The following DIS3L2 variants were observed in gnomAD, a reference collection of about 807,000 sequenced individuals.
DIS3L2 encodes DIS3 like 3'-5' exoribonuclease 2, also known as DIS3-like exonuclease 2.
Under a neutral mutation model 97.5 loss-of-function variants are expected in DIS3L2, and 34 were observed. The ratio of observed to expected loss-of-function variants is 0.35; its 90% CI spans 0.27 to 0.46. The LOEUF is 0.46. DIS3L2 is among the 20% of genes least tolerant of loss of function. The probability of loss-of-function intolerance (pLI) is 1.00; values close to 1 mark genes in which losing one functional copy is unlikely to be tolerated. For missense variants in DIS3L2, 1,038 were observed against 1,146.0 expected (o/e 0.91, Z 1.36); for synonymous variants, 435 against 445.2 (o/e 0.98, Z 0.29).
chr2:232,169,094 G>C (rs747704494), intron 9 of DIS3L2, among the ~76,000 whole-genome samples: 1 of 152,166 alleles, frequency 6.6e-6, no homozygotes, highest in Non-Finnish European at 1.5e-5. Context: ...GGTGCTTGGT[G>C]CAAGTGTTTG....
chr2:232,090,902 A>C (rs1030824968), intron 6 of DIS3L2, among the ~76,000 whole-genome samples: 1 of 152,248 alleles, frequency 6.6e-6, no homozygotes, highest in Non-Finnish European at 1.5e-5. Flanking sequence ...AAGAGAGCAC[A>C]TTGCTCCCGT....
At chr2:232,228,053 C>T (rs948091302) in intron 10 of DIS3L2, among the ~76,000 whole-genome samples, 2 of 152,072 alleles carry the variant, frequency 1.3e-5, no homozygotes, top group East Asian at 1.9e-4. Context: ...CGGCAACCTC[C>T]GCCTCCCGGT....
At chr2:231,965,046 T>G (rs939522092) in intron 1 of DIS3L2, among the ~76,000 whole-genome samples, 2 of 152,254 alleles carry the variant, frequency 1.3e-5, no homozygotes, top group African/African-American at 4.8e-5. Flanking sequence ...ATTTGTGACC[T>G]ATTTCTTTCA....
At chr2:231,986,888 TAAAC>T (rs911388788) in intron 1 of DIS3L2, among the ~76,000 whole-genome samples, 4 of 152,232 alleles carry the variant, frequency 2.6e-5, no homozygotes, top group Admixed American at 6.5e-5. Context: ...TTGGCTGACA[TAAAC>T]AAGTATTTAA....
At chr2:232,338,698 G>A (rs1425455802), downstream of DIS3L2, among the ~76,000 whole-genome samples, 7 of 117,606 alleles carry the variant, frequency 6.0e-5, no homozygotes, top group Non-Finnish European at 5.0e-5. Flanking sequence ...CGAGCCCCGC[G>A]TCTGCATTCA....
At chr2:232,280,309 A>G (rs2106300267) in intron 13 of DIS3L2, among the ~76,000 whole-genome samples, 1 of 152,342 alleles carries the variant, frequency 6.6e-6, no homozygotes, top group South Asian at 2.1e-4. Context: ...GCTTTTAAAC[A>G]GATACCAGGC....
At chr2:232,214,808 C>T (rs1692287911) in intron 10 of DIS3L2, among the ~76,000 whole-genome samples, 1 of 152,180 alleles carries the variant, frequency 6.6e-6, no homozygotes. Context: ...CAAGCTAGGA[C>T]CTTTATTCGC....
chr2:232,078,007 TTCTTTCTTTCTTTTTC>T (rs1696263605), intron 5 of DIS3L2, among the ~76,000 whole-genome samples: 1 of 136,022 alleles, frequency 7.4e-6, no homozygotes, highest in Non-Finnish European at 1.6e-5. Flanking sequence ...CTTTCTTTCT[TTCTTTCTTTCTTTTTC>T]TCTTTCTCTT....
At chr2:232,139,136 T>G (rs894280509) in intron 8 of DIS3L2, among the ~76,000 whole-genome samples, 1 of 152,192 alleles carries the variant, frequency 6.6e-6, no homozygotes, top group Non-Finnish European at 1.5e-5. Flanking sequence ...GAGATTAATA[T>G]AAGAAGCTGG....
chr2:232,148,748 C>CTTTTTT lies in DIS3L2; in HGVS notation c.950+12048_950+12053dup, dbSNP rs34837114. ...ATTTTTTTTCTCCTTAATTTTCTTT[C>CTTTTTT]TTTTTTTTTTTTTTTTTTTTTTTTA... is the stretch of plus-strand genomic sequence containing the variant. On this transcript the variant is annotated intron_variant, in intron 8 of 20. Coordinates refer to ENST00000325385, the MANE Select transcript of DIS3L2 (RefSeq NM_152383.5). 5.3e-3 allele frequency among the ~76,000 whole-genome samples: 527 copies of CTTTTTT among 98,532 alleles called. 1 individual carries two copies. The highest frequency in any genetic ancestry group is 7.2e-3 in the Non-Finnish European group (372 of 51,720). The allele number at this position is 98,532 out of a possible 152,430, so 64.6% of individuals were successfully genotyped here. A position where few individuals can be genotyped will look rare whatever the true frequency, so the allele number is the denominator to read the frequency against.
chr2:232,121,589 C>T (rs532538006), intron 6 of DIS3L2, among the ~76,000 whole-genome samples: 1 of 152,262 alleles, frequency 6.6e-6, no homozygotes, highest in East Asian at 1.9e-4. Flanking sequence ...CTGAAATACT[C>T]TTCCTGTGAT....
chr2:232,145,344 T>G (rs1174761434), intron 8 of DIS3L2, among the ~76,000 whole-genome samples: 5 of 152,178 alleles, frequency 3.3e-5, no homozygotes, highest in African/African-American at 1.2e-4. Flanking sequence ...TACAGTTAAT[T>G]TTTATACATT....
At position 232,039,261 on chromosome 2, in the gene DIS3L2, G is replaced by A. The variant is rs145934220; in HGVS notation, c.366+9181G>A. Reference sequence around the variant, plus strand: ...TCAAAGTAGGGAGAAGAGAATATTCGGACTGTCATCAAGAATCCCTGACGT... The same window carrying A: ...TCAAAGTAGGGAGAAGAGAATATTCAGACTGTCATCAAGAATCCCTGACGT... On this transcript the variant is annotated intron_variant, in intron 5 of 20. Transcript: ENST00000325385. 2.2e-3 allele frequency among the ~76,000 whole-genome samples: 342 copies of A among 152,184 alleles called. 5 individuals carry two copies. The highest frequency in any genetic ancestry group is 7.6e-3 in the African/African-American group (316 of 41,510).
intron 1 of DIS3L2, among the ~76,000 whole-genome samples, chr2:232,010,828 C>T (rs1408706859): frequency 6.6e-6 from 1 of 152,194 alleles, no homozygotes; most frequent in Non-Finnish European, 1.5e-5. Flanking sequence ...CTGGCTTGCC[C>T]CATTGTAGTC....
rs1195733702 is a variant in DIS3L2, at chr2:232,037,738, G to A, written c.366+7658G>A. 1.3e-5 allele frequency among the ~76,000 whole-genome samples: 2 copies of A among 152,208 alleles called. No homozygotes were observed. The highest frequency in any genetic ancestry group is 2.4e-5 in the African/African-American group (1 of 41,450). ...AAAAGCATAATATCTGGGCCAGAGT[G>A]CAATGTTCCTCACAGCACAGTCCCT... On this transcript the variant is annotated intron_variant, in intron 5 of 20. Coordinates refer to ENST00000325385, the MANE Select transcript of DIS3L2 (RefSeq NM_152383.5). The surrounding 1 kb of genome is among the most constrained non-coding windows in gnomAD (Gnocchi z 4.6).
At chr2:232,245,112 C>T (rs1426607992) in intron 11 of DIS3L2, among the ~76,000 whole-genome samples, 2 of 152,174 alleles carry the variant, frequency 1.3e-5, no homozygotes, top group Non-Finnish European at 2.9e-5. Flanking sequence ...ATCAAGGGGT[C>T]AGGGAATGTA....
intron 2 of DIS3L2, 99 bp from the exon 3 acceptor site, chr2:232,015,415 G>A: frequency 6.9e-7 from 1 of 1,456,018 alleles, no homozygotes; most frequent in Non-Finnish European, 9.2e-7. Context: ...GTCTCTTGTT[G>A]GTCTCTTTAA....
chr2:232,309,072 A>G (rs1695056659), intron 14 of DIS3L2, among the ~76,000 whole-genome samples: 1 of 152,212 alleles, frequency 6.6e-6, no homozygotes. Context: ...GACAGTATGC[A>G]TCCCAGGGCT....
intron 6 of DIS3L2, among the ~76,000 whole-genome samples, chr2:232,125,050 A>G (rs547931420): frequency 6.6e-6 from 1 of 152,172 alleles, no homozygotes; most frequent in South Asian, 2.1e-4. Context: ...CTTTCCTCCT[A>G]CTCAGTTTAC....
Sources: gnomAD v4.1 joint callset for allele counts (sites outside exome capture counted in the v4.1 genomes callset) on GRCh38, gnomAD v4.1.1 for gene constraint, Gnocchi (gnomAD v3.1) non-coding constraint, MANE v1.5 for transcripts, NCBI Gene and HGNC (gene_info 2026-07-23, HGNC 2026-07-21) for gene names.